Variants in PKD1L1 observed in about 807,000 individuals in gnomAD.
PKD1L1 encodes polycystin-1-like protein 1.
PKD1L1 carries 236 observed loss-of-function variants against 323.4 expected under a neutral mutation model. The observed-to-expected ratio is 0.73, with a 90% CI of 0.66 to 0.81. PKD1L1 has a LOEUF of 0.81. Among genes scored for constraint, PKD1L1 ranks in the 40% least tolerant of loss-of-function variants. PKD1L1 has a pLI of 0.00. For synonymous variants in PKD1L1, 1,344 were observed against 1,335.0 expected (o/e 1.01, Z -0.15); for missense variants, 3,320 against 3,508.0 (o/e 0.95, Z 1.35).
intron 53 of PKD1L1, among the ~76,000 whole-genome samples, chr7:47,802,968 T>C (rs1784697043): frequency 6.6e-6 from 1 of 152,236 alleles, no homozygotes; most frequent in East Asian, 1.9e-4. Context: ...AATAACATGC[T>C]GTTGTAAGGT....
At chr7:47,886,711 C>T (rs79044571) in intron 17 of PKD1L1, among the ~76,000 whole-genome samples, 6,844 of 152,216 alleles carry the variant, frequency 0.045, 368 homozygotes, top group African/African-American at 0.13. Context: ...GTAAAAGTTT[C>T]CTGAGGCCTC....
At chr7:47,866,299 G>T in intron 25 of PKD1L1, 120 bp downstream of exon 25, 1 of 1,031,702 alleles carries the variant, frequency 9.7e-7, no homozygotes, top group Non-Finnish European at 1.4e-6. Context: ...TGGCCCTCTT[G>T]GTCTCATTTC....
intron 28 of PKD1L1, among the ~76,000 whole-genome samples, chr7:47,856,593 C>T (rs780734071): frequency 6.6e-6 from 1 of 152,146 alleles, no homozygotes; most frequent in Non-Finnish European, 1.5e-5. Context: ...GCCTAGTTGA[C>T]AAAGTGCTTT....
intron 12 of PKD1L1, 105 bp downstream of exon 12, chr7:47,904,273 T>G: frequency 2.0e-6 from 3 of 1,477,590 alleles, no homozygotes; most frequent in Non-Finnish European, 2.8e-6. Context: ...GTCACCTACG[T>G]TGACTGACAG....
At chr7:47,934,241 G>A (rs1284438271) in intron 4 of PKD1L1, among the ~76,000 whole-genome samples, 1 of 152,188 alleles carries the variant, frequency 6.6e-6, no homozygotes, top group African/African-American at 2.4e-5. Flanking sequence ...TGTAGCTCAT[G>A]GCTTTTGTGA....
At chr7:47,819,200 G>C (rs1785087653) in intron 46 of PKD1L1, among the ~76,000 whole-genome samples, 1 of 152,150 alleles carries the variant, frequency 6.6e-6, no homozygotes, top group Non-Finnish European at 1.5e-5. Flanking sequence ...CCTGCCTGGT[G>C]GCCAGAGCAC....
At chr7:47,862,759 A>C (rs1027106425) in intron 26 of PKD1L1, among the ~76,000 whole-genome samples, 5 of 152,102 alleles carry the variant, frequency 3.3e-5, no homozygotes, top group African/African-American at 1.2e-4. Context: ...TCAAGGCAGT[A>C]CCCCTGGAGG....
intron 27 of PKD1L1, 35 bp downstream of exon 27, chr7:47,858,638 A>G: frequency 6.4e-7 from 1 of 1,561,928 alleles, no homozygotes; most frequent in Non-Finnish European, 8.8e-7. Flanking sequence ...ATATGGAAAC[A>G]GTATTTTTAT....
chr7:47,808,174 G>T, intron 52 of PKD1L1, 73 bp downstream of exon 52: 1 of 1,549,904 alleles, frequency 6.5e-7, no homozygotes, highest in Non-Finnish European at 8.8e-7. Flanking sequence ...TCTAGAGTTT[G>T]TGTGACCTCT....
chr7:47,935,546 C>T (rs1007272587), intron 4 of PKD1L1, among the ~76,000 whole-genome samples: 7 of 152,354 alleles, frequency 4.6e-5, no homozygotes, highest in Admixed American at 2.0e-4. Flanking sequence ...AGCAAAGACT[C>T]GGAGACTGCA....
At chr7:47,960,150 T>C in the PKD1L1 span, among the ~76,000 whole-genome samples, 1 of 150,576 alleles carries the variant, frequency 6.6e-6, no homozygotes, top group Admixed American at 6.6e-5. Context: ...ATGTGCTTTG[T>C]TAAACAGATG....
chr7:47,951,592 C>T (rs1562577826), upstream of PKD1L1, among the ~76,000 whole-genome samples: 1 of 152,158 alleles, frequency 6.6e-6, no homozygotes, highest in Non-Finnish European at 1.5e-5. Flanking sequence ...TTACACAGTT[C>T]ACAGTGTAAA....
chr7:47,802,802 T>G (rs533996965), intron 53 of PKD1L1, among the ~76,000 whole-genome samples: 2 of 152,324 alleles, frequency 1.3e-5, no homozygotes, highest in African/African-American at 4.8e-5. Context: ...CCCTGTTGTT[T>G]GAGACAGGAA....
chr7:47,920,651 G>A (rs1039252537), intron 7 of PKD1L1, among the ~76,000 whole-genome samples: 1 of 152,164 alleles, frequency 6.6e-6, no homozygotes, highest in Admixed American at 6.5e-5. Flanking sequence ...ATATTATGAA[G>A]CCATAGTCAC....
Position 47,827,368 on chromosome 7 carries a change from C to A in PKD1L1, c.6836G>T (p.Arg2279Leu), listed in dbSNP as rs1221407830. 1.2e-6 allele frequency: 2 copies of A among 1,612,238 alleles called. No homozygotes were observed. Among genetic ancestry groups the A allele is most frequent in the African/African-American group, 1.3e-5 (1 of 75,034 alleles). ...GTRQRMRRESRTRAALRDISM... is the reference protein window; with the variant it reads ...GTRQRMRRESLTRAALRDISM... ...CACCCACCTCAGGGCAGCCCGTGTG[C>A]GACTCTCTCTCCTCATCCTCTGTCT... The change falls in exon 45 of 57, where the codon CGC becomes CTC. Residue 2279 changes from arginine to leucine, a missense_variant. Transcript: ENST00000289672.
intron 42 of PKD1L1, 139 bp downstream of exon 42, chr7:47,831,078 G>T: frequency 8.4e-7 from 1 of 1,192,096 alleles, no homozygotes; most frequent in Non-Finnish European, 1.2e-6. Flanking sequence ...GAGATGGGAG[G>T]GAGAAATGAG....
intron 15 of PKD1L1, 75 bp from the exon 16 acceptor site, chr7:47,890,838 G>T: frequency 7.4e-7 from 1 of 1,355,064 alleles, no homozygotes; most frequent in Non-Finnish European, 1.0e-6. Flanking sequence ...CACTGCACGG[G>T]TTTTCCCCAG....
At position 47,837,112 on chromosome 7, in the gene PKD1L1, A is replaced by C. The variant is rs1386084914; in HGVS notation, c.5770-18T>G. 29 of 1,612,870 alleles carry C rather than the reference A, an allele frequency of 1.8e-5. No homozygotes were observed. Among genetic ancestry groups the C allele is most frequent in the Non-Finnish European group, 2.4e-5 (28 of 1,179,098 alleles). Reference sequence around the variant, plus strand: ...TAGAAAAGCTGAAACGGAAAGCAGGAGAAGTGTTCCCTGACATGGAGCATT... The same window carrying C: ...TAGAAAAGCTGAAACGGAAAGCAGGCGAAGTGTTCCCTGACATGGAGCATT... On this transcript the variant is annotated intron_variant, in intron 36 of 56. Coordinates refer to ENST00000289672, the MANE Select transcript of PKD1L1 (RefSeq NM_138295.5).
In PKD1L1 at chr7:47,902,402, T is replaced by G; in HGVS notation, c.2041A>C (p.Asn681His). 2 of 1,614,186 alleles carry G rather than the reference T, an allele frequency of 1.2e-6. No individual in the cohort carries two copies. Among genetic ancestry groups the G allele is most frequent in the Non-Finnish European group, 1.7e-6 (2 of 1,180,024 alleles). ...CEPCQPPLVK[N>H]MGPGKVQIWR... Reference sequence around the variant, plus strand: ...ACCTGGACTTTCCCAGGCCCCATGTTCTTCACCAGGGGTGGCTGGCAGGGC... The same window carrying G: ...ACCTGGACTTTCCCAGGCCCCATGTGCTTCACCAGGGGTGGCTGGCAGGGC... Residue 681 changes from asparagine to histidine, a missense_variant, in exon 13 of 57, where the codon AAC (asparagine) becomes CAC (histidine). Asn to His is a moderately conservative substitution (Grantham distance 68). Transcript: ENST00000289672.
Sources: allele counts gnomAD v4.1 joint callset (sites outside exome capture counted in the v4.1 genomes callset), GRCh38; gene constraint gnomAD v4.1.1; transcripts MANE v1.5; gene names NCBI Gene and HGNC (gene_info 2026-07-23, HGNC 2026-07-21).